The following LIMS2 variants were observed in gnomAD, a reference collection of about 807,000 sequenced individuals.
LIMS2 encodes the protein LIM and senescent cell antigen-like-containing domain protein 2.
A neutral mutation model predicts 45.3 loss-of-function variants in LIMS2; 30 were observed. The observed-to-expected ratio is 0.66, with a 90% CI of 0.50 to 0.90. The LOEUF (loss-of-function observed/expected upper bound fraction) is 0.90. LIMS2 is among the 40% of genes least tolerant of loss of function. LIMS2 has a pLI of 0.00. For synonymous variants in LIMS2, 173 were observed against 188.0 expected (o/e 0.92, Z 0.65); for missense variants, 485 against 468.7 (o/e 1.03, Z -0.32).
chr2:127,650,847 T>C (rs1683685451), intron 4 of LIMS2: 1 of 1,614,026 alleles, frequency 6.2e-7, no homozygotes, highest in Non-Finnish European at 8.5e-7. Flanking sequence ...CGCCTCCTTC[T>C]ACCTTCTGGA....
chr2:127,650,045 A>G, intron 4 of LIMS2: 2 of 1,608,686 alleles, frequency 1.2e-6, no homozygotes, highest in Non-Finnish European at 1.7e-6. Flanking sequence ...TGGATCCAGA[A>G]AGCCCCCAAG....
Position 127,639,176 on chromosome 2 carries a change from G to C in LIMS2, c.*105C>G, listed in dbSNP as rs1350545950. The C allele has an allele frequency of 2.5e-6, 3 of 1,180,418 alleles. No individual in the cohort carries two copies. Among genetic ancestry groups the C allele is most frequent in the Non-Finnish European group, 3.6e-6 (3 of 827,086 alleles). The allele number at this position is 1,180,418 out of a possible 1,614,324, so 73.1% of individuals were successfully genotyped here. On this transcript the variant is annotated 3_prime_UTR_variant, in exon 10 of 10. Coordinates refer to ENST00000355119, the MANE Select transcript of LIMS2 (RefSeq NM_001161403.3). ...AAGGCAATGAGGAAAGAGAAAGGGAGGGTAAGATGCGGAGGGCACAGGTGG... is the reference window on the plus strand; with the variant it reads ...AAGGCAATGAGGAAAGAGAAAGGGACGGTAAGATGCGGAGGGCACAGGTGG...
chr2:127,661,696 C>T (rs1160547115), intron 1 of LIMS2, among the ~76,000 whole-genome samples: 3 of 152,222 alleles, frequency 2.0e-5, no homozygotes, highest in African/African-American at 2.4e-5. Flanking sequence ...TCCAGCACCC[C>T]AGAAGGCTCT....
intron 1 of LIMS2, among the ~76,000 whole-genome samples, chr2:127,680,892 T>A (rs899151580): frequency 6.6e-6 from 1 of 152,170 alleles, no homozygotes; most frequent in Non-Finnish European, 1.5e-5. Context: ...CAACACATCA[T>A]GCCGTCGAGT....
chr2:127,638,663 C>G lies in LIMS2; in HGVS notation c.*618G>C, dbSNP rs543490572. On this transcript the variant is annotated 3_prime_UTR_variant, in exon 10 of 10. Transcript: ENST00000355119. Reference sequence around the variant, plus strand: ...AGGCCAAGGTGGGATTCCAGGAAGGCCTTCCGAAGGATGGAGGTGGGTCCT... The same window carrying G: ...AGGCCAAGGTGGGATTCCAGGAAGGGCTTCCGAAGGATGGAGGTGGGTCCT... 6.5e-6 allele frequency: 1 copy of G among 152,858 alleles called. No homozygotes were observed. Among genetic ancestry groups the G allele is most frequent in the African/African-American group, 2.4e-5 (1 of 41,594 alleles). 9.5% of individuals were successfully genotyped at this position (152,858 alleles called of 1,614,324 possible). A position where few individuals can be genotyped will look rare whatever the true frequency, so the allele number is the denominator to read the frequency against.
rs1391078556 is a variant in LIMS2 at position 127,653,307 on chromosome 2, TCTCA to T, written c.359+1113_359+1116del. On this transcript the variant is annotated intron_variant, in intron 4 of 9. Coordinates refer to ENST00000355119, the MANE Select transcript of LIMS2 (RefSeq NM_001161403.3). This position sits in a 1 kb window ranked among gnomAD's most constrained non-coding sequence, Gnocchi z 5.3. ...GGGGCCTCTGGGGGTCGGCGCTGCCTCTCACTGATACAGGGGACGCATGCAGAGG... is the reference window on the plus strand; with the variant it reads ...GGGGCCTCTGGGGGTCGGCGCTGCCTCTGATACAGGGGACGCATGCAGAGG... 6.6e-6 allele frequency among the ~76,000 whole-genome samples: 1 copy of T among 152,032 alleles called. No individual in the cohort carries two copies. The highest frequency in any genetic ancestry group is 1.9e-4 in the East Asian group (1 of 5,184).
Position 127,641,028 on chromosome 2 carries a change from G to C in LIMS2, c.661-40C>G, listed in dbSNP as rs747920875. 12 of 1,558,892 alleles carry C rather than the reference G, an allele frequency of 7.7e-6. No homozygotes were observed. In the Admixed American group the frequency reaches 8.3e-5, roughly 11 times the overall value. ...GGCGGGCCGGGTGGCATCAGGGCTA[G>C]AGCGGTGACCCCGAGGGACAGTGGT... On this transcript the variant is annotated intron_variant, in intron 6 of 9. Coordinates refer to ENST00000355119, the MANE Select transcript of LIMS2 (RefSeq NM_001161403.3).
chr2:127,642,788 C>T lies in LIMS2; in HGVS notation c.509+135G>A, dbSNP rs1256275623. ...CACCTCTGCCCTGCAGCCTTGCTCT[C>T]GGGACCCCTCTGTCTGCCCACCCTG... On this transcript the variant is annotated intron_variant, in intron 5 of 9. Coordinates refer to ENST00000355119, the MANE Select transcript of LIMS2 (RefSeq NM_001161403.3). This position sits in a 1 kb window ranked among gnomAD's most constrained non-coding sequence, Gnocchi z 5.3. The T allele has an allele frequency of 8.1e-6, 8 of 984,028 alleles. No homozygotes were observed. Among genetic ancestry groups the T allele is most frequent in the Admixed American group, 5.2e-5 (2 of 38,666 alleles). The allele number at this position is 984,028 out of a possible 1,614,324, so 61.0% of individuals were successfully genotyped here.
chr2:127,666,089 T>C (rs1322845856), intron 1 of LIMS2, among the ~76,000 whole-genome samples: 1 of 152,114 alleles, frequency 6.6e-6, no homozygotes, highest in African/African-American at 2.4e-5. Flanking sequence ...AGGGATGGGA[T>C]TGGGAGCCAC....
At position 127,653,635 on chromosome 2, in the gene LIMS2, C is replaced by T. The variant is rs1280454587; in HGVS notation, c.359+789G>A. 6.6e-6 allele frequency among the ~76,000 whole-genome samples: 1 copy of T among 152,082 alleles called. No homozygotes were observed. The highest frequency in any genetic ancestry group is 1.5e-5 in the Non-Finnish European group (1 of 68,010). ...GTGCAGCTGTGGGGGCGGGCAGAAC[C>T]ACAGGAACTCAGGGTCCCGGGTGCC... On this transcript the variant is annotated intron_variant, in intron 4 of 9. Coordinates refer to ENST00000355119, the MANE Select transcript of LIMS2 (RefSeq NM_001161403.3). This position sits in a 1 kb window ranked among gnomAD's most constrained non-coding sequence, Gnocchi z 5.3.
rs552100245 is a variant in LIMS2 at position 127,664,532 on chromosome 2, G to T, written c.12-6970C>A. 7.8e-6 allele frequency: 9 copies of T among 1,152,432 alleles called. No individual in the cohort carries two copies. In the South Asian group the frequency reaches 2.6e-4, roughly 34 times the overall value. The allele number at this position is 1,152,432 out of a possible 1,614,324, so 71.4% of individuals were successfully genotyped here. ...TGGGCGCCTCCCCCGCGCTGGTCGC[G>T]AGCTCACGTTACGCGCTGGGATCTC... is the stretch of plus-strand genomic sequence containing the variant. On this transcript the variant is annotated intron_variant, in intron 1 of 9. Coordinates refer to ENST00000355119, the MANE Select transcript of LIMS2 (RefSeq NM_001161403.3). This position sits in a 1 kb window ranked among gnomAD's most constrained non-coding sequence, Gnocchi z 5.5.
In LIMS2 at chr2:127,654,430, G is replaced by A. The variant is rs139806905; in HGVS notation, c.353C>T (p.Ala118Val). 5.6e-6 allele frequency: 9 copies of A among 1,614,046 alleles called. No individual in the cohort carries two copies. Among genetic ancestry groups the A allele is most frequent in the Non-Finnish European group, 7.6e-6 (9 of 1,179,976 alleles). Residue 118 changes from alanine to valine, a missense_variant, in exon 4 of 10, where the codon GCC becomes GTC. By Grantham distance (64) the Ala-to-Val change is moderately conservative. Transcript: ENST00000355119. ...ELADLGFVKN[A>V]GRHLCRPCHN... ...CCCAACACGGCCACCTCACCTGCCG[G>A]CATTCTTCACAAAGCCCAGGTCAGC...
intron 1 of LIMS2, chr2:127,673,656 G>C: frequency 1.9e-6 from 3 of 1,550,872 alleles, no homozygotes; most frequent in Non-Finnish European, 2.6e-6. Flanking sequence ...TCCTGTGCCT[G>C]AAGGAACCGC....
intron 4 of LIMS2, chr2:127,643,386 A>C: frequency 2.0e-6 from 1 of 491,822 alleles, no homozygotes; most frequent in Admixed American, 2.3e-5. Flanking sequence ...CATTTAATTG[A>C]TATCTGCTGA....
At chr2:127,654,652 T>C in intron 3 of LIMS2, 108 bp from the exon 4 acceptor site, 2 of 1,555,058 alleles carry the variant, frequency 1.3e-6, no homozygotes, top group East Asian at 2.3e-5. Flanking sequence ...GCCTGGCCCA[T>C]GGGCTCCCTC....
intron 4 of LIMS2, chr2:127,652,047 G>A (rs1573801800): frequency 2.4e-6 from 1 of 421,548 alleles, no homozygotes. Flanking sequence ...CCTGAACAAT[G>A]GAGGCCTTTC....
Position 127,673,614 on chromosome 2 carries a change from A to G in LIMS2, c.11+1400T>C, listed in dbSNP as rs6430942. 480,090 of 1,494,012 alleles carry G rather than the reference A, an allele frequency of 0.32. 80,154 individuals are homozygous for G. The highest frequency in any genetic ancestry group is 0.49 in the South Asian group (41,023 of 82,946). 92.5% of individuals were successfully genotyped at this position (1,494,012 alleles called of 1,614,324 possible). On this transcript the variant is annotated intron_variant, in intron 1 of 9. Transcript: ENST00000355119. ...TCGGGGCCTCCCATTCCAGCCCCGC[A>G]CCCTTCACGGCTCTGTTCTCCTCGA...
At position 127,647,423 on chromosome 2, in the gene LIMS2, C is replaced by T. The variant is rs2244042; in HGVS notation, c.360-4351G>A. Among the ~76,000 whole-genome samples, 96,956 of 152,084 alleles carry T rather than the reference C, an allele frequency of 0.64. 33,023 individuals carry two copies. Among genetic ancestry groups the T allele is most frequent in the African/African-American group, 0.88 (36,658 of 41,540 alleles). ...CAAGTTAGCAGACACTCAGCCTTGA[C>T]TCCCTAACCTGCAACATGGGGCTAA... On this transcript the variant is annotated intron_variant, in intron 4 of 9. Transcript: ENST00000355119. The surrounding 1 kb of genome is among the most constrained non-coding windows in gnomAD (Gnocchi z 4.3).
intron 2 of LIMS2, chr2:127,655,204 C>T (rs977446746): frequency 3.2e-5 from 16 of 493,370 alleles, no homozygotes; most frequent in East Asian, 2.3e-4. Context: ...GGGGGCGAGG[C>T]GGTTTTAAGC....
Sources: allele counts gnomAD v4.1 joint callset (sites outside exome capture counted in the v4.1 genomes callset), GRCh38; gene constraint gnomAD v4.1.1; non-coding constraint Gnocchi (gnomAD v3.1); transcripts MANE v1.5; gene names NCBI Gene and HGNC (gene_info 2026-07-23, HGNC 2026-07-21).